TMEM80: variants seen among roughly 807,000 people sequenced by gnomAD.
TMEM80 encodes the protein transmembrane protein 80.
TMEM80 carries 16 observed loss-of-function variants against 13.6 expected under a neutral mutation model. The observed-to-expected ratio is 1.17, with a 90% confidence interval of 0.79 to 1.78. TMEM80 has a LOEUF of 1.78. Ranked by LOEUF, TMEM80 falls within the 40% of genes most tolerant of loss-of-function variation. The pLI is 0.00. For synonymous variants in TMEM80, 92 were observed against 89.5 expected (o/e 1.03, Z -0.16); for missense variants, 167 against 184.6 (o/e 0.90, Z 0.55).
rs555494052 is a variant in TMEM80, at chr11:703,413, C to T, written c.*263C>T. 11 of 1,328,572 alleles carry T rather than the reference C, an allele frequency of 8.3e-6. No individual in the cohort carries two copies. Among genetic ancestry groups the T allele is most frequent in the East Asian group, 2.9e-5 (1 of 34,256 alleles). The allele number at this position is 1,328,572 out of a possible 1,614,324, so 82.3% of individuals were successfully genotyped here. A position where few individuals can be genotyped will look rare whatever the true frequency, so the allele number is the denominator to read the frequency against. On this transcript the variant is annotated 3_prime_UTR_variant, in exon 5 of 5. Transcript: ENST00000397510. ...GCCTTCAAGATGAGTCCCAGGAGCG[C>T]ACACTCAGCCCTGTCAGTGGGGTCT... is the stretch of plus-strand genomic sequence containing the variant.
At chr11:700,588 TG>T (rs1861405910) in intron 3 of TMEM80, 26 bp from the exon 4 acceptor site, 2 of 1,594,324 alleles carry the variant, frequency 1.3e-6, no homozygotes, top group African/African-American at 2.7e-5. Context: ...AGGTTACTTA[TG>T]TTCCGTCCGC....
chr11:700,255 A>T lies in TMEM80; in HGVS notation c.133+20A>T, dbSNP rs759901740. The T allele has an allele frequency of 6.2e-7, 1 of 1,602,486 alleles. No homozygotes were observed. The highest frequency in any genetic ancestry group is 1.7e-4 in the Middle Eastern group (1 of 6,048). On this transcript the variant is annotated intron_variant, in intron 3 of 4. Coordinates refer to ENST00000397510, the MANE Select transcript of TMEM80 (RefSeq NM_001042463.3). Reference sequence around the variant, plus strand: ...ATAAAAGTAAGTCAGGGACGGGCACAGTGGCTCACGCCTGTAATCCCAACA... The same window carrying T: ...ATAAAAGTAAGTCAGGGACGGGCACTGTGGCTCACGCCTGTAATCCCAACA...
chr11:704,062 A>G lies in TMEM80; in HGVS notation c.*912A>G. On this transcript the variant is annotated 3_prime_UTR_variant, in exon 5 of 5. Coordinates refer to ENST00000397510, the MANE Select transcript of TMEM80 (RefSeq NM_001042463.3). The stretch of plus-strand genomic sequence containing the variant: ...TGTTTTCTATGTTTGGAATAATTAC[A>G]CCCAAATATCTAGATATTTTCTCTT... 1.7e-6 allele frequency: 2 copies of G among 1,143,566 alleles called. No homozygotes were observed. The highest frequency in any genetic ancestry group is 2.2e-6 in the Non-Finnish European group (2 of 929,418). 70.8% of individuals were successfully genotyped at this position (1,143,566 alleles called of 1,614,324 possible). A position where few individuals can be genotyped will look rare whatever the true frequency, so the allele number is the denominator to read the frequency against.
In TMEM80 at chr11:703,479, C is replaced by T. The variant is rs1861593282; in HGVS notation, c.*329C>T. The T allele has an allele frequency of 7.9e-7, 1 of 1,258,016 alleles. No individual in the cohort carries two copies. The highest frequency in any genetic ancestry group is 1.5e-5 in the African/African-American group (1 of 65,034). 77.9% of individuals were successfully genotyped at this position (1,258,016 alleles called of 1,614,324 possible). A position where few individuals can be genotyped will look rare whatever the true frequency, so the allele number is the denominator to read the frequency against. ...GCCTCCACAGACCCCCATGGGCCCC[C>T]AGGGCCGAGAGGGAGGACAGAGCCC... On this transcript the variant is annotated 3_prime_UTR_variant, in exon 5 of 5. Coordinates refer to ENST00000397510, the MANE Select transcript of TMEM80 (RefSeq NM_001042463.3).
chr11:702,253 G>A lies in TMEM80; in HGVS notation c.227-692G>A, dbSNP rs114523946. 2.7e-3 allele frequency among the ~76,000 whole-genome samples: 411 copies of A among 152,350 alleles called. 1 individual carries two copies. The highest frequency in any genetic ancestry group is 9.3e-3 in the African/African-American group (386 of 41,586). ...CCGTCAGTGTCTTGTCTGCACTTAC[G>A]TCCCAGAACCTCTAGAGCTTGCCCC... On this transcript the variant is annotated intron_variant, in intron 4 of 4. Transcript: ENST00000397510.
chr11:696,899 G>A (rs1330556363), intron 1 of TMEM80, among the ~76,000 whole-genome samples: 1 of 151,948 alleles, frequency 6.6e-6, no homozygotes, highest in African/African-American at 2.4e-5. Context: ...GACCAACATG[G>A]AGAAACCCCG....
chr11:703,077 G>C lies in TMEM80; in HGVS notation c.359G>C (p.Ser120Thr). The part of the protein sequence containing the change: ...ALVLWADWAL[S>T]ATLLALHGLE... Reference sequence around the variant, plus strand: ...GTGTTGTGGGCGGACTGGGCCCTCAGCGCCACGCTCCTGGCCCTTCACGGC... The same window carrying C: ...GTGTTGTGGGCGGACTGGGCCCTCACCGCCACGCTCCTGGCCCTTCACGGC... Residue 120 changes from serine (S) to threonine (T), a missense_variant, in exon 5 of 5, where the codon AGC becomes ACC. Ser to Thr is a moderately conservative substitution (Grantham distance 58). Coordinates refer to ENST00000397510, the MANE Select transcript of TMEM80 (RefSeq NM_001042463.3). 6.2e-7 allele frequency: 1 copy of C among 1,612,660 alleles called. No homozygotes were observed. Among genetic ancestry groups the C allele is most frequent in the Non-Finnish European group, 8.5e-7 (1 of 1,179,730 alleles).
At chr11:697,299 T>G (rs2097164151) in intron 1 of TMEM80, among the ~76,000 whole-genome samples, 2 of 152,212 alleles carry the variant, frequency 1.3e-5, no homozygotes, top group South Asian at 4.1e-4. Context: ...TAACACATCT[T>G]GTCCATTACA....
chr11:698,815 G>A (rs1411754062), intron 1 of TMEM80, 54 bp from the exon 2 acceptor site: 111 of 1,611,460 alleles, frequency 6.9e-5, no homozygotes, highest in Non-Finnish European at 2.9e-5. Flanking sequence ...AGCGAGACCC[G>A]GGAAAGCATC....
At chr11:699,934 C>A in intron 2 of TMEM80, 1 of 554,716 alleles carries the variant, frequency 1.8e-6, no homozygotes, top group Non-Finnish European at 3.2e-6. Flanking sequence ...GAGGGGGGTC[C>A]CACAAAGGCC....
intron 4 of TMEM80, 45 bp downstream of exon 4, chr11:700,752 C>A: frequency 6.6e-7 from 1 of 1,515,046 alleles, no homozygotes; most frequent in Non-Finnish European, 9.2e-7. Flanking sequence ...CTAAGAGTTG[C>A]TATCTGTTTC....
intron 3 of TMEM80, 74 bp from the exon 4 acceptor site, chr11:700,538 AAAG>A: frequency 1.6e-6 from 2 of 1,231,460 alleles, no homozygotes; most frequent in Non-Finnish European, 2.4e-6. Context: ...AAAAAAAAAA[AAAG>A]GAAAAGGCAA....
chr11:696,658 C>T (rs1475594034), intron 1 of TMEM80, among the ~76,000 whole-genome samples: 1 of 10,012 alleles, frequency 1.0e-4, no homozygotes, highest in African/African-American at 2.4e-4. Flanking sequence ...CCAAGCTATT[C>T]TGGAGGCTGA....
intron 4 of TMEM80, among the ~76,000 whole-genome samples, chr11:701,905 C>T (rs1314714925): frequency 5.9e-5 from 9 of 152,214 alleles, no homozygotes; most frequent in Non-Finnish European, 1.2e-4. Context: ...CAGAGCTCAC[C>T]TCTGTGGCCA....
chr11:700,031 C>T lies in TMEM80; in HGVS notation c.40-111C>T, dbSNP rs138361179. On this transcript the variant is annotated intron_variant, in intron 2 of 4. Transcript: ENST00000397510. ...GAGCCATTGCCAAGACTCCATGGTCCCTTGGTGTCTGTGGCCACCAAACAG... is the reference window on the plus strand; with the variant it reads ...GAGCCATTGCCAAGACTCCATGGTCTCTTGGTGTCTGTGGCCACCAAACAG... The T allele has an allele frequency of 6.1e-5, 49 of 808,648 alleles. No homozygotes were observed. In the East Asian group the frequency reaches 1.1e-3, roughly 19 times the overall value. The allele number at this position is 808,648 out of a possible 1,614,324, so 50.1% of individuals were successfully genotyped here. A position where few individuals can be genotyped will look rare whatever the true frequency, so the allele number is the denominator to read the frequency against.
In TMEM80 at chr11:702,942, C is replaced by G; in HGVS notation, c.227-3C>G. 1 of 1,604,208 alleles carries G rather than the reference C, an allele frequency of 6.2e-7. No homozygotes were observed. The highest frequency in any genetic ancestry group is 8.5e-7 in the Non-Finnish European group (1 of 1,174,968). ...CTTCCCTCCCCTTTGCTCTGTTCTC[C>G]AGGCACCAGGGGCAACCTGACAGAG... On this transcript the variant is annotated splice_region_variant and splice_polypyrimidine_tract_variant and intron_variant, in intron 4 of 4. Coordinates refer to ENST00000397510, the MANE Select transcript of TMEM80 (RefSeq NM_001042463.3).
rs368431618 is a variant in TMEM80 at position 703,043 on chromosome 11, C to T, written c.325C>T (p.Gln109Ter). The T allele has an allele frequency of 6.8e-6, 11 of 1,612,768 alleles. No individual in the cohort carries two copies. The East Asian group carries it at 2.5e-4, about 36-fold the overall frequency. The change falls in exon 5 of 5, where the codon CAG (glutamine) becomes TAG (stop). Residue 109 changes from glutamine (Q) to a stop codon, truncating the protein, a stop_gained. Transcript: ENST00000397510. LOFTEE classifies it low-confidence loss of function (END_TRUNC). ...ALLSAHFLLW[Q>*]ALVLWADWAL... Reference sequence around the variant, plus strand: ...CCTCTCTGCCCACTTCCTGCTTTGGCAGGCCCTAGTGTTGTGGGCGGACTG... The same window carrying T: ...CCTCTCTGCCCACTTCCTGCTTTGGTAGGCCCTAGTGTTGTGGGCGGACTG...
rs756073799 is a variant in TMEM80, at chr11:700,612, C to T, written c.134-3C>T. The T allele has an allele frequency of 5.0e-6, 8 of 1,613,480 alleles. No individual in the cohort carries two copies. The highest frequency in any genetic ancestry group is 3.3e-4 in the Middle Eastern group (2 of 6,056). On this transcript the variant is annotated splice_polypyrimidine_tract_variant and splice_region_variant and intron_variant, in intron 3 of 4. Coordinates refer to ENST00000397510, the MANE Select transcript of TMEM80 (RefSeq NM_001042463.3). ...ATGTTCCGTCCGCGCCTCTGCTCTT[C>T]AGGTCAGGTGTTCAGCTATCCTCAC...
At position 695,839 on chromosome 11, in the gene TMEM80, G is replaced by C. The variant is rs1462508976; in HGVS notation, c.12G>C (p.Pro4=). The change falls in exon 1 of 5, where the codon CCG becomes CCC. Residue 4 remains proline, a synonymous_variant. Transcript: ENST00000397510. MAA[P]RRGRGSSTVL... is the part of the protein sequence containing the mutation. ...GCGGGGCGGGTAAGATGGCGGCCCC[G>C]CGGCGAGGTGAGCTCGGGCGGGGTG... 8.1e-7 allele frequency: 1 copy of C among 1,230,242 alleles called. No individual in the cohort carries two copies. The highest frequency in any genetic ancestry group is 1.0e-6 in the Non-Finnish European group (1 of 986,162). The allele number at this position is 1,230,242 out of a possible 1,614,324, so 76.2% of individuals were successfully genotyped here. A position where few individuals can be genotyped will look rare whatever the true frequency, so the allele number is the denominator to read the frequency against.
Sources: gnomAD v4.1 joint callset for allele counts (sites outside exome capture counted in the v4.1 genomes callset) on GRCh38, gnomAD v4.1.1 for gene constraint, MANE v1.5 for transcripts, NCBI Gene and HGNC (gene_info 2026-07-23, HGNC 2026-07-21) for gene names.